GUCA1C: variants seen among roughly 807,000 people sequenced by gnomAD.
The protein encoded by GUCA1C is guanylate cyclase activator 1C.
A neutral mutation model predicts 16.2 loss-of-function variants in GUCA1C; 15 were observed. That is an observed-to-expected ratio of 0.93 (90% confidence interval 0.62 to 1.43). GUCA1C has a LOEUF of 1.43. Among genes scored for constraint, GUCA1C ranks in the 40% most tolerant of loss-of-function variants. The pLI is 0.00. For synonymous variants in GUCA1C, 78 were observed against 85.4 expected, an observed-to-expected ratio of 0.91 and a Z score of 0.48; for missense variants, 275 against 244.8, an observed-to-expected ratio of 1.12 and a Z score of -0.82.
At chr3:108,909,594 T>C (rs1946427099) in intron 3 of GUCA1C, among the ~76,000 whole-genome samples, 1 of 152,168 alleles carries the variant, frequency 6.6e-6, no homozygotes, top group Non-Finnish European at 1.5e-5. Context: ...GTTTTGACTG[T>C]TTAGTTATCA....
intron 3 of GUCA1C, among the ~76,000 whole-genome samples, chr3:108,914,057 C>A (rs1004607177): frequency 3.3e-5 from 5 of 152,036 alleles, no homozygotes; most frequent in African/African-American, 1.2e-4. Flanking sequence ...CAAAGCAAGA[C>A]TCCATTTTAA....
chr3:108,950,130 G>A (rs113784357), intron 1 of GUCA1C, among the ~76,000 whole-genome samples: 14 of 152,284 alleles, frequency 9.2e-5, no homozygotes, highest in African/African-American at 3.1e-4. Context: ...ATATCAGTGA[G>A]GTTGATTATG....
At chr3:108,921,689 A>G (rs1946570307) in intron 1 of GUCA1C, among the ~76,000 whole-genome samples, 1 of 152,132 alleles carries the variant, frequency 6.6e-6, no homozygotes, top group African/African-American at 2.4e-5. Context: ...ATAATATATG[A>G]TGTTGAACAT....
chr3:108,911,643 A>T (rs1163352634), intron 3 of GUCA1C, among the ~76,000 whole-genome samples: 1 of 152,246 alleles, frequency 6.6e-6, no homozygotes, highest in African/African-American at 2.4e-5. Flanking sequence ...GTGGAAACTC[A>T]GTTCCCTCTT....
At chr3:108,927,577 C>A (rs1323169256) in intron 1 of GUCA1C, among the ~76,000 whole-genome samples, 1 of 151,868 alleles carries the variant, frequency 6.6e-6, no homozygotes, top group African/African-American at 2.4e-5. Flanking sequence ...TCCTTGATTT[C>A]CAGAAGTTGT....
intron 1 of GUCA1C, among the ~76,000 whole-genome samples, chr3:108,948,146 G>A (rs1946861100): frequency 6.6e-6 from 1 of 152,076 alleles, no homozygotes; most frequent in African/African-American, 2.4e-5. Context: ...GATATGGTTT[G>A]GCTCTGTGTC....
rs115180178 is a variant in GUCA1C at position 108,920,717 on chromosome 3, T to C, written c.205-132A>G. ...ATCCATAAGATTTCAGCATAAAACTTTTCCCTAGTGTTTCATTTAAAAAAA... is the reference window on the plus strand; with the variant it reads ...ATCCATAAGATTTCAGCATAAAACTCTTCCCTAGTGTTTCATTTAAAAAAA... On this transcript the variant is annotated intron_variant, in intron 1 of 3. Coordinates refer to ENST00000261047, the MANE Select transcript of GUCA1C (RefSeq NM_005459.4). 4.6e-3 allele frequency: 2,600 copies of C among 570,976 alleles called. 43 individuals carry two copies. Among genetic ancestry groups the C allele is most frequent in the African/African-American group, 0.044 (2,263 of 50,970 alleles). 35.4% of individuals were successfully genotyped at this position (570,976 alleles called of 1,614,324 possible).
chr3:108,937,417 A>G (rs958494457), intron 1 of GUCA1C, among the ~76,000 whole-genome samples: 6 of 152,204 alleles, frequency 3.9e-5, no homozygotes, highest in Non-Finnish European at 5.9e-5. Context: ...TTATCTTAGT[A>G]TATTTCAGAG....
intron 3 of GUCA1C, among the ~76,000 whole-genome samples, chr3:108,908,491 G>A (rs1946414471): frequency 6.6e-6 from 1 of 152,054 alleles, no homozygotes; most frequent in African/African-American, 2.4e-5. Flanking sequence ...TTATATCTCT[G>A]CACAGTATTG....
In GUCA1C at chr3:108,913,506, T is replaced by C. The variant is rs970402169; in HGVS notation, c.442+2621A>G. 3.9e-5 allele frequency among the ~76,000 whole-genome samples: 6 copies of C among 152,060 alleles called. No homozygotes were observed. The East Asian group carries it at 1.2e-3, about 29-fold the overall frequency. On this transcript the variant is annotated intron_variant, in intron 3 of 3. Coordinates refer to ENST00000261047, the MANE Select transcript of GUCA1C (RefSeq NM_005459.4). Reference sequence around the variant, plus strand: ...TTTGTACTTCTGCAAATATCAACCTTTTATGTCTTCATCACTTTTTCTTCC... The same window carrying C: ...TTTGTACTTCTGCAAATATCAACCTCTTATGTCTTCATCACTTTTTCTTCC...
At chr3:108,940,647 A>T (rs1393623037) in intron 1 of GUCA1C, among the ~76,000 whole-genome samples, 1 of 152,214 alleles carries the variant, frequency 6.6e-6, no homozygotes, top group Non-Finnish European at 1.5e-5. Flanking sequence ...CAGGAAAGCA[A>T]CTCCTGCACC....
At chr3:108,946,891 GAAAAAAAA>G (rs10607933) in intron 1 of GUCA1C, among the ~76,000 whole-genome samples, 1 of 96,400 alleles carries the variant, frequency 1.0e-5, no homozygotes, top group Non-Finnish European at 2.1e-5. Context: ...TCAAGAATCT[GAAAAAAAA>G]AAAAAAAAAA....
intron 1 of GUCA1C, among the ~76,000 whole-genome samples, chr3:108,931,771 G>A (rs1946668200): frequency 6.6e-6 from 1 of 151,860 alleles, no homozygotes; most frequent in African/African-American, 2.4e-5. Context: ...AAGGTGAGGA[G>A]ATGTCCCTGC....
chr3:108,943,344 G>A (rs1257105260), intron 1 of GUCA1C, among the ~76,000 whole-genome samples: 1 of 152,186 alleles, frequency 6.6e-6, no homozygotes, highest in African/African-American at 2.4e-5. Context: ...CTCCTGGGTA[G>A]AGATACACCA....
At position 108,920,603 on chromosome 3, in the gene GUCA1C, A is replaced by T; in HGVS notation, c.205-18T>A. 3 of 1,354,036 alleles carry T rather than the reference A, an allele frequency of 2.2e-6. No individual in the cohort carries two copies. The South Asian group carries it at 3.7e-5, about 17-fold the overall frequency. The allele number at this position is 1,354,036 out of a possible 1,614,324, so 83.9% of individuals were successfully genotyped here. ...AATCCATCCTATGGAAAGTAAGATG[A>T]AAAGAGAAATAAATATTTAAGAAGA... On this transcript the variant is annotated intron_variant, in intron 1 of 3. Transcript: ENST00000261047.
rs562188707 is a variant in GUCA1C, at chr3:108,907,982, A to G, written c.*40T>C. 173 of 1,428,864 alleles carry G rather than the reference A, an allele frequency of 1.2e-4. 2 individuals are homozygous for G. The highest frequency in any genetic ancestry group is 9.1e-4 in the South Asian group (75 of 82,308). 88.5% of individuals were successfully genotyped at this position (1,428,864 alleles called of 1,614,324 possible). On this transcript the variant is annotated 3_prime_UTR_variant, in exon 4 of 4. Transcript: ENST00000261047. ...AAGATTCTATTTCTTCTCTACTGAA[A>G]TGTTGTGCTCATTGATAGCTGGGAC...
At chr3:108,946,501 G>A (rs1946845479) in intron 1 of GUCA1C, among the ~76,000 whole-genome samples, 2 of 152,118 alleles carry the variant, frequency 1.3e-5, no homozygotes, top group Non-Finnish European at 2.9e-5. Context: ...TGTTATACAT[G>A]GAGTTAGTAA....
chr3:108,936,661 AG>A (rs746115917), intron 1 of GUCA1C, among the ~76,000 whole-genome samples: 5 of 152,214 alleles, frequency 3.3e-5, no homozygotes, highest in Non-Finnish European at 7.3e-5. Context: ...GGACACGTTC[AG>A]TGCAGTGCGC....
intron 1 of GUCA1C, among the ~76,000 whole-genome samples, chr3:108,928,120 T>G (rs1407001518): frequency 6.6e-6 from 1 of 152,226 alleles, no homozygotes; most frequent in Non-Finnish European, 1.5e-5. Context: ...TCAGGGAGAC[T>G]GCAGTGGTGA....
Sources: gnomAD v4.1 joint callset for allele counts (sites outside exome capture counted in the v4.1 genomes callset) on GRCh38, gnomAD v4.1.1 for gene constraint, MANE v1.5 for transcripts, NCBI Gene and HGNC (gene_info 2026-07-23, HGNC 2026-07-21) for gene names.